RIMS1: variants seen among roughly 807,000 people sequenced by gnomAD.
RIMS1 encodes regulating synaptic membrane exocytosis protein 1.
RIMS1 carries 83 observed loss-of-function variants against 214.1 expected under a neutral mutation model. The observed-to-expected ratio is 0.39, with a 90% confidence interval of 0.32 to 0.47. The LOEUF (loss-of-function observed/expected upper bound fraction) is 0.47. Ranked by LOEUF, RIMS1 falls within the 20% of genes least tolerant of loss-of-function variation. The probability of loss-of-function intolerance (pLI) is 0.99; values close to 1 mark genes in which losing one functional copy is unlikely to be tolerated. For missense variants in RIMS1, 2,050 were observed against 2,161.8 expected (o/e 0.95, Z 1.03); for synonymous variants, 793 against 786.8 (o/e 1.01, Z -0.13).
intron 1 of RIMS1, among the ~76,000 whole-genome samples, chr6:71,964,873 A>G (rs1383387629): frequency 6.6e-6 from 1 of 152,210 alleles, no homozygotes; most frequent in East Asian, 1.9e-4. Flanking sequence ...GGCATGAAGC[A>G]CTGAATGGGG....
intron 29 of RIMS1, among the ~76,000 whole-genome samples, chr6:72,337,294 A>G (rs1026351809): frequency 9.2e-5 from 14 of 151,826 alleles, no homozygotes; most frequent in Admixed American, 2.0e-4. Flanking sequence ...ATAATATTCC[A>G]TATAATATCC....
intron 26 of RIMS1, among the ~76,000 whole-genome samples, chr6:72,301,314 A>G (rs2094579772): frequency 6.6e-6 from 1 of 151,748 alleles, no homozygotes; most frequent in African/African-American, 2.4e-5. Context: ...TTTAAAATTT[A>G]ATCTTTATGT....
intron 28 of RIMS1, among the ~76,000 whole-genome samples, chr6:72,324,595 T>C (rs1160744913): frequency 6.6e-6 from 1 of 151,914 alleles, no homozygotes; most frequent in Non-Finnish European, 1.5e-5. Context: ...GTAAATGTAC[T>C]CAGTAAAAAT....
At chr6:72,351,486 C>T (rs1439958072) in intron 29 of RIMS1, among the ~76,000 whole-genome samples, 1 of 152,154 alleles carries the variant, frequency 6.6e-6, no homozygotes, top group African/African-American at 2.4e-5. Flanking sequence ...TGTATTGTCA[C>T]ATTTAACCCT....
At position 72,259,011 on chromosome 6, in the gene RIMS1, A is replaced by G. The variant is rs948736372; in HGVS notation, c.2953A>G (p.Arg985Gly). ...GAGTTTAGATGAAATTCATCCAACA[A>G]GAAGGTCACGTTCTCCAACCAGACA... is the stretch of plus-strand genomic sequence containing the variant. ...QRSLDEIHPT[R>G]RSRSPTRHHD... Residue 985 changes from arginine to glycine, a missense_variant, in exon 18 of 34, where the codon AGA becomes GGA. Physicochemically the swap from Arg to Gly is moderately radical, Grantham distance 125. Transcript: ENST00000521978. The G allele has an allele frequency of 1.2e-6, 2 of 1,612,904 alleles. No homozygotes were observed. The highest frequency in any genetic ancestry group is 1.7e-5 in the Admixed American group (1 of 59,962).
At chr6:72,233,630 C>T in intron 6 of RIMS1, 143 bp from the exon 7 acceptor site, 1 of 641,272 alleles carries the variant, frequency 1.6e-6, no homozygotes, top group Non-Finnish European at 2.9e-6. Flanking sequence ...ACAACCTTTG[C>T]AACACAGGTG....
At chr6:72,336,975 T>G (rs1323044404) in intron 29 of RIMS1, among the ~76,000 whole-genome samples, 2 of 151,784 alleles carry the variant, frequency 1.3e-5, no homozygotes, top group Non-Finnish European at 2.9e-5. Flanking sequence ...GGATTCCTCT[T>G]CCCCTATGAA....
chr6:71,891,624 G>C (rs1406609933), intron 1 of RIMS1, among the ~76,000 whole-genome samples: 1 of 152,130 alleles, frequency 6.6e-6, no homozygotes. Context: ...AGGGGGATGA[G>C]GATAGCGTTC....
At chr6:72,033,018 CA>C (rs1429989500) in intron 2 of RIMS1, among the ~76,000 whole-genome samples, 2 of 152,152 alleles carry the variant, frequency 1.3e-5, no homozygotes, top group South Asian at 4.1e-4. Context: ...GAAAGATTTG[CA>C]GAGGAGGGAC....
chr6:72,003,817 T>C (rs927646379), intron 2 of RIMS1, among the ~76,000 whole-genome samples: 1 of 152,114 alleles, frequency 6.6e-6, no homozygotes, highest in Non-Finnish European at 1.5e-5. Context: ...TTAAGCAATT[T>C]GAGGAATGAG....
intron 3 of RIMS1, among the ~76,000 whole-genome samples, chr6:72,098,570 C>T (rs1331684887): frequency 6.6e-6 from 1 of 152,124 alleles, no homozygotes; most frequent in African/African-American, 2.4e-5. Flanking sequence ...GCTGGGATTA[C>T]AGGTGTGAGC....
chr6:72,358,912 G>A (rs1406859228), intron 29 of RIMS1, among the ~76,000 whole-genome samples: 3 of 152,086 alleles, frequency 2.0e-5, no homozygotes, highest in African/African-American at 7.2e-5. Flanking sequence ...GCCCTCAGAG[G>A]GCATAACAGA....
chr6:72,237,780 T>C, intron 8 of RIMS1, 43 bp from the exon 9 acceptor site: 1 of 1,341,370 alleles, frequency 7.5e-7, no homozygotes, highest in South Asian at 1.2e-5. Context: ...AAGCTTATGT[T>C]TTAGTATGAG....
chr6:72,381,921 C>T (rs2098497507), intron 29 of RIMS1, among the ~76,000 whole-genome samples: 1 of 152,128 alleles, frequency 6.6e-6, no homozygotes, highest in Admixed American at 6.5e-5. Flanking sequence ...CATTTTATAT[C>T]TTTTGGGTTA....
chr6:72,367,337 T>A (rs1414318988), intron 29 of RIMS1, among the ~76,000 whole-genome samples: 1 of 152,222 alleles, frequency 6.6e-6, no homozygotes, highest in Non-Finnish European at 1.5e-5. Context: ...TGCAAATATA[T>A]GAGCATTTCT....
At chr6:71,948,364 A>C (rs923540559) in intron 1 of RIMS1, among the ~76,000 whole-genome samples, 1 of 152,222 alleles carries the variant, frequency 6.6e-6, no homozygotes, top group Non-Finnish European at 1.5e-5. Flanking sequence ...AAAATATAAA[A>C]ATAAGTAACA....
At chr6:72,213,240 G>C in intron 6 of RIMS1, 1 of 1,527,318 alleles carries the variant, frequency 6.5e-7, no homozygotes, top group Admixed American at 2.0e-5. Context: ...ATAGATAATG[G>C]TAATCCCACT....
chr6:72,207,351 C>A (rs1041210264), intron 6 of RIMS1, among the ~76,000 whole-genome samples: 2 of 152,188 alleles, frequency 1.3e-5, no homozygotes, highest in African/African-American at 4.8e-5. Flanking sequence ...AATTACTTAG[C>A]TTGTACATCA....
At chr6:72,151,674 C>A (rs570606621) in intron 4 of RIMS1, among the ~76,000 whole-genome samples, 21 of 152,128 alleles carry the variant, frequency 1.4e-4, no homozygotes, top group Non-Finnish European at 2.4e-4. Context: ...TATCATATAT[C>A]TCTCTCTATC....
Sources: gnomAD v4.1 joint callset for allele counts (sites outside exome capture counted in the v4.1 genomes callset) on GRCh38, gnomAD v4.1.1 for gene constraint, MANE v1.5 for transcripts, NCBI Gene and HGNC (gene_info 2026-07-23, HGNC 2026-07-21) for gene names.